RRM1: variants seen among roughly 807,000 people sequenced by gnomAD.
RRM1 encodes ribonucleotide reductase catalytic subunit M1, also known as ribonucleoside-diphosphate reductase large subunit.
In RRM1, 19 loss-of-function variants were observed where a neutral mutation model predicts 101.5. The observed-to-expected ratio is 0.19, with a 90% CI of 0.13 to 0.27. RRM1 has a LOEUF of 0.27. Among genes scored for constraint, RRM1 ranks in the 10% least tolerant of loss-of-function variants. The pLI, the probability that RRM1 is intolerant of heterozygous loss-of-function variation, is 1.00. For missense variants in RRM1, 500 were observed against 962.9 expected (o/e 0.52, Z 6.36); for synonymous variants, 298 against 323.4 (o/e 0.92, Z 0.84).
Position 4,138,180 on chromosome 11 carries a change from T to A in RRM1, c.2191-15T>A, listed in dbSNP as rs2094617479. On this transcript the variant is annotated splice_polypyrimidine_tract_variant and intron_variant, in intron 18 of 18. Transcript: ENST00000300738. ...ACAGAGTTTCTCCTAATAATTGTCT[T>A]TACTTTCCTTGTAGGGTTTGAAGAC... 6.9e-7 allele frequency: 1 copy of A among 1,449,450 alleles called. No homozygotes were observed. The highest frequency in any genetic ancestry group is 1.4e-5 in the African/African-American group (1 of 71,296). The allele number at this position is 1,449,450 out of a possible 1,614,324, so 89.8% of individuals were successfully genotyped here.
At chr11:4,119,966 T>A in intron 9 of RRM1, 38 bp downstream of exon 9, 1 of 1,238,538 alleles carries the variant, frequency 8.1e-7, no homozygotes, top group Non-Finnish European at 1.2e-6. Context: ...AAATCAGAAC[T>A]AAAGGTGATT....
chr11:4,115,706 G>A (rs1013538205), intron 7 of RRM1, among the ~76,000 whole-genome samples: 69 of 151,896 alleles, frequency 4.5e-4, no homozygotes, highest in African/African-American at 1.6e-3. Flanking sequence ...ACAGGCACGC[G>A]CCACCACACC....
chr11:4,103,917 C>T (rs1199374472), intron 2 of RRM1, among the ~76,000 whole-genome samples: 2 of 144,114 alleles, frequency 1.4e-5, no homozygotes, highest in Non-Finnish European at 3.0e-5. Flanking sequence ...GTGTGAGCCA[C>T]ACTGTGCCTG....
chr11:4,122,635 A>AGG (rs2094583454), intron 11 of RRM1, among the ~76,000 whole-genome samples: 1 of 152,172 alleles, frequency 6.6e-6, no homozygotes, highest in Admixed American at 6.5e-5. Flanking sequence ...CACTTTGGGA[A>AGG]GATGAGGCAG....
At chr11:4,133,803 G>A in intron 17 of RRM1, 145 bp downstream of exon 17, 1 of 514,474 alleles carries the variant, frequency 1.9e-6, no homozygotes, top group Non-Finnish European at 3.5e-6. Context: ...CTGCATTGTT[G>A]TGCTAGGATT....
chr11:4,128,067 G>A (rs903012585), intron 14 of RRM1, among the ~76,000 whole-genome samples: 1 of 151,800 alleles, frequency 6.6e-6, no homozygotes. Flanking sequence ...ACCATCTCTC[G>A]TTTCAAAAGG....
rs1347308563 is a variant in RRM1, at chr11:4,126,828, C to T, written c.1465C>T (p.Pro489Ser). Residue 489 changes from proline (P) to serine (S), a missense_variant, in exon 13 of 19, where the codon CCA (proline) becomes TCA (serine). Pro to Ser is a moderately conservative substitution (Grantham distance 74, BLOSUM62 -1). Around this residue, in one of 9 missense-constraint regions of RRM1, gnomAD observed 106 missense variants for 138.1 expected, o/e 0.77. Coordinates refer to ENST00000300738, the MANE Select transcript of RRM1 (RefSeq NM_001033.5). ...KIIDINYYPV[P>S]EACLSNKRHR... The stretch of plus-strand genomic sequence containing the variant: ...TATTGATATAAACTACTATCCTGTA[C>T]CAGAGGTATGAATAGATTTCTCTGC... 1.9e-6 allele frequency: 3 copies of T among 1,606,942 alleles called. No homozygotes were observed. In the East Asian group the frequency reaches 6.7e-5, roughly 36 times the overall value.
At chr11:4,130,086 A>ATATATATATTTTTTTT (rs1202870487) in intron 15 of RRM1, among the ~76,000 whole-genome samples, 7 of 99,446 alleles carry the variant, frequency 7.0e-5, no homozygotes, top group African/African-American at 3.2e-4. Flanking sequence ...ATATATATAT[A>ATATATATATTTTTTTT]TTTTTTTTTT....
intron 7 of RRM1, among the ~76,000 whole-genome samples, chr11:4,114,153 TA>T (rs905068297): frequency 4.7e-5 from 7 of 148,044 alleles, no homozygotes; most frequent in South Asian, 4.3e-4. Context: ...AAAGAAAAGA[TA>T]AAAAAAAAGA....
intron 2 of RRM1, among the ~76,000 whole-genome samples, chr11:4,102,340 T>C (rs940526478): frequency 6.6e-6 from 1 of 152,186 alleles, no homozygotes; most frequent in Non-Finnish European, 1.5e-5. Context: ...GATATTTCCT[T>C]GAGTAAATTG....
chr11:4,105,486 G>A (rs183411567), intron 2 of RRM1: 28 of 349,528 alleles, frequency 8.0e-5, no homozygotes, highest in East Asian at 2.8e-4. Flanking sequence ...CTACCTTGGC[G>A]TCCCAAAGTG....
At chr11:4,108,735 A>G (rs1357298390) in intron 4 of RRM1, among the ~76,000 whole-genome samples, 1 of 152,206 alleles carries the variant, frequency 6.6e-6, no homozygotes, top group African/African-American at 2.4e-5. Flanking sequence ...TGAAGACAAA[A>G]ATACAGCAGC....
chr11:4,134,884 G>A (rs2094606357), intron 17 of RRM1, among the ~76,000 whole-genome samples, 198 bp from the exon 18 acceptor site: 1 of 152,212 alleles, frequency 6.6e-6, no homozygotes, highest in South Asian at 2.1e-4. Context: ...TTGATATTTG[G>A]TTGGTTAGAT....
At chr11:4,114,993 A>G (rs2094570778) in intron 7 of RRM1, among the ~76,000 whole-genome samples, 1 of 152,162 alleles carries the variant, frequency 6.6e-6, no homozygotes, top group Admixed American at 6.6e-5. Flanking sequence ...GATTACAGGC[A>G]TGAGCTACCA....
chr11:4,112,678 A>G (rs1590718877), intron 7 of RRM1, among the ~76,000 whole-genome samples: 1 of 152,226 alleles, frequency 6.6e-6, no homozygotes, highest in Non-Finnish European at 1.5e-5. Flanking sequence ...TTATATTTCA[A>G]TAAGGTTGTT....
At chr11:4,128,720 G>A (rs1413952151) in intron 14 of RRM1, among the ~76,000 whole-genome samples, 1 of 152,112 alleles carries the variant, frequency 6.6e-6, no homozygotes, top group Admixed American at 6.6e-5. Flanking sequence ...TAGAAAATAG[G>A]TGTTTTTAGC....
intron 5 of RRM1, among the ~76,000 whole-genome samples, chr11:4,110,661 TGGG>T (rs1197720590): frequency 6.8e-6 from 1 of 146,566 alleles, no homozygotes; most frequent in Non-Finnish European, 1.5e-5. Flanking sequence ...TCCAGCTACT[TGGG>T]GGGCTGAGGC....
At chr11:4,115,912 A>G (rs1443084162) in intron 7 of RRM1, among the ~76,000 whole-genome samples, 1 of 152,144 alleles carries the variant, frequency 6.6e-6, no homozygotes, top group Non-Finnish European at 1.5e-5. Flanking sequence ...AGAGCAAAAC[A>G]CCATAGAGCA....
At chr11:4,130,516 C>T (rs1176129517) in intron 15 of RRM1, among the ~76,000 whole-genome samples, 1 of 151,872 alleles carries the variant, frequency 6.6e-6, no homozygotes, top group African/African-American at 2.4e-5. Flanking sequence ...GGCAACATGG[C>T]GAAACTTAGT....
Sources: gnomAD v4.1 joint callset for allele counts (sites outside exome capture counted in the v4.1 genomes callset) on GRCh38, gnomAD v4.1.1 for gene constraint, gnomAD v4.1.1 regional missense constraint, MANE v1.5 for transcripts, NCBI Gene and HGNC (gene_info 2026-07-23, HGNC 2026-07-21) for gene names.